PIP4P2: variants seen among roughly 807,000 people sequenced by gnomAD.
PIP4P2 encodes the protein type 2 phosphatidylinositol 4,5-bisphosphate 4-phosphatase.
In PIP4P2, 19 loss-of-function variants were observed where a neutral mutation model predicts 33.3. The ratio of observed to expected loss-of-function variants is 0.57; its 90% CI spans 0.40 to 0.84. The LOEUF (loss-of-function observed/expected upper bound fraction) is 0.84. PIP4P2 is among the 40% of genes least tolerant of loss of function. PIP4P2 has a pLI of 0.00. For missense variants in PIP4P2, 270 were observed against 324.7 expected, an observed-to-expected ratio of 0.83 and a Z score of 1.29; for synonymous variants, 110 against 111.9, an observed-to-expected ratio of 0.98 and a Z score of 0.11.
intron 1 of PIP4P2, among the ~76,000 whole-genome samples, chr8:91,038,812 T>C (rs1490782588): frequency 6.6e-6 from 1 of 152,222 alleles, no homozygotes; most frequent in Non-Finnish European, 1.5e-5. Flanking sequence ...TCATCTAACC[T>C]GTCTCATTCA....
At position 90,995,465 on chromosome 8, in the gene PIP4P2, T is replaced by C; in HGVS notation, c.*212A>G. The stretch of plus-strand genomic sequence containing the variant: ...GAGATGTAAAAGAACATGAAAAGGC[T>C]TTATTATTCAAATTTTGAAAACCTA... On this transcript the variant is annotated 3_prime_UTR_variant, in exon 7 of 7. Coordinates refer to ENST00000285419, the MANE Select transcript of PIP4P2 (RefSeq NM_018710.3). 2.5e-6 allele frequency: 1 copy of C among 401,040 alleles called. No homozygotes were observed. The highest frequency in any genetic ancestry group is 1.1e-4 in the South Asian group (1 of 9,460). 24.8% of individuals were successfully genotyped at this position (401,040 alleles called of 1,614,324 possible).
At chr8:91,035,694 TAC>T (rs914897322) in intron 1 of PIP4P2, among the ~76,000 whole-genome samples, 27 of 152,184 alleles carry the variant, frequency 1.8e-4, no homozygotes, top group African/African-American at 6.5e-4. Flanking sequence ...CACACTGTGG[TAC>T]ACAGAGAAAA....
In PIP4P2 at chr8:90,994,633, T is replaced by C. The variant is rs1811604708; in HGVS notation, c.*1044A>G. 1 of 152,534 alleles carries C rather than the reference T, an allele frequency of 6.6e-6. No homozygotes were observed. Among genetic ancestry groups the C allele is most frequent in the South Asian group, 2.1e-4 (1 of 4,836 alleles). The allele number at this position is 152,534 out of a possible 1,614,324, so 9.4% of individuals were successfully genotyped here. ...TATGTTGTTCTTTATTTCTGATCTA[T>C]TTTCTTGAATAATTTGGGTAATTAT... is the stretch of plus-strand genomic sequence containing the variant. On this transcript the variant is annotated 3_prime_UTR_variant, in exon 7 of 7. Coordinates refer to ENST00000285419, the MANE Select transcript of PIP4P2 (RefSeq NM_018710.3).
At chr8:90,996,607 GATAA>G in intron 6 of PIP4P2, 43 bp downstream of exon 6, 1 of 1,520,008 alleles carries the variant, frequency 6.6e-7, no homozygotes, top group Non-Finnish European at 9.0e-7. Flanking sequence ...ATTGACTACT[GATAA>G]AGTTGAGAGG....
At chr8:91,033,408 C>G (rs1483969541) in intron 1 of PIP4P2, among the ~76,000 whole-genome samples, 1 of 152,128 alleles carries the variant, frequency 6.6e-6, no homozygotes, top group Non-Finnish European at 1.5e-5. Context: ...TTCACTGACT[C>G]AACCCATCAG....
At chr8:90,995,930 G>T in intron 6 of PIP4P2, 110 bp from the exon 7 acceptor site, 1 of 1,220,950 alleles carries the variant, frequency 8.2e-7, no homozygotes, top group Non-Finnish European at 1.1e-6. Context: ...CCCCCAGACC[G>T]AATACACAAA....
chr8:91,011,151 G>T (rs543493801), intron 4 of PIP4P2, among the ~76,000 whole-genome samples: 1 of 151,966 alleles, frequency 6.6e-6, no homozygotes, highest in South Asian at 2.1e-4. Flanking sequence ...GCACCCATTT[G>T]TCCCTAGATA....
intron 5 of PIP4P2, among the ~76,000 whole-genome samples, chr8:91,004,883 A>G (rs1811746998): frequency 6.6e-6 from 1 of 152,202 alleles, no homozygotes; most frequent in African/African-American, 2.4e-5. Flanking sequence ...GAGGAATAGT[A>G]GATATCTGGA....
At chr8:91,027,367 C>CT (rs1408244210) in intron 1 of PIP4P2, among the ~76,000 whole-genome samples, 2 of 152,240 alleles carry the variant, frequency 1.3e-5, no homozygotes, top group African/African-American at 4.8e-5. Flanking sequence ...CCTTCCCTTG[C>CT]TGGAAAACTC....
chr8:90,998,561 C>T (rs1365898662), intron 5 of PIP4P2, among the ~76,000 whole-genome samples: 2 of 151,852 alleles, frequency 1.3e-5, no homozygotes, highest in Non-Finnish European at 2.9e-5. Flanking sequence ...AACAGACACA[C>T]AGATCAATTG....
At chr8:91,039,030 G>GT (rs746459515) in intron 1 of PIP4P2, among the ~76,000 whole-genome samples, 190 of 152,258 alleles carry the variant, frequency 1.2e-3, no homozygotes, top group Admixed American at 1.5e-3. Flanking sequence ...TGATCCCTGA[G>GT]TGTAGCCATT....
At chr8:91,022,603 T>C (rs1812026823) in intron 1 of PIP4P2, among the ~76,000 whole-genome samples, 1 of 152,150 alleles carries the variant, frequency 6.6e-6, no homozygotes, top group Admixed American at 6.5e-5. Flanking sequence ...CTATAAAATA[T>C]AATCACAATA....
chr8:91,021,219 A>G, intron 2 of PIP4P2, 37 bp downstream of exon 2: 1 of 1,608,436 alleles, frequency 6.2e-7, no homozygotes, highest in Non-Finnish European at 8.5e-7. Flanking sequence ...ATGTCAAATA[A>G]CAATTTATAT....
At chr8:91,035,617 G>A (rs1812222944) in intron 1 of PIP4P2, among the ~76,000 whole-genome samples, 1 of 152,150 alleles carries the variant, frequency 6.6e-6, no homozygotes, top group Non-Finnish European at 1.5e-5. Flanking sequence ...CTTTGTCCAG[G>A]CTTTCTCCTT....
chr8:91,026,511 G>A (rs1282700993), intron 1 of PIP4P2, among the ~76,000 whole-genome samples: 2 of 152,094 alleles, frequency 1.3e-5, no homozygotes, highest in Admixed American at 6.6e-5. Context: ...CTAGGTTTTA[G>A]TAAGTCCAAT....
intron 4 of PIP4P2, among the ~76,000 whole-genome samples, chr8:91,016,203 G>C (rs1347455350): frequency 6.6e-6 from 1 of 152,034 alleles, no homozygotes; most frequent in Admixed American, 6.6e-5. Flanking sequence ...AAGGCTCCTA[G>C]AAATTAAAAA....
At chr8:91,019,044 T>C (rs1394030419) in intron 3 of PIP4P2, among the ~76,000 whole-genome samples, 1 of 152,026 alleles carries the variant, frequency 6.6e-6, no homozygotes, top group African/African-American at 2.4e-5. Flanking sequence ...ACATGATTCA[T>C]GTAATGGTCA....
intron 1 of PIP4P2, among the ~76,000 whole-genome samples, chr8:91,037,245 C>A (rs900444762): frequency 4.6e-5 from 7 of 152,122 alleles, no homozygotes; most frequent in Non-Finnish European, 2.9e-5. Context: ...TCTCTCCAGT[C>A]CCATTTTGCA....
rs551312623 is a variant in PIP4P2, at chr8:91,009,350, AT to A, written c.487-556del. ...TCTTCCCTGTAAATCTAAGTAATAA[AT>A]GTGCTACCTTCCTCACATGAATGTT... On this transcript the variant is annotated intron_variant, in intron 4 of 6. Coordinates refer to ENST00000285419, the MANE Select transcript of PIP4P2 (RefSeq NM_018710.3). Among the ~76,000 whole-genome samples the A allele has an allele frequency of 1.5e-4, 23 of 152,168 alleles. No individual in the cohort carries two copies. The East Asian group carries it at 4.0e-3, about 27-fold the overall frequency.
Sources: gnomAD v4.1 joint callset for allele counts (sites outside exome capture counted in the v4.1 genomes callset) on GRCh38, gnomAD v4.1.1 for gene constraint, MANE v1.5 for transcripts, NCBI Gene and HGNC (gene_info 2026-07-23, HGNC 2026-07-21) for gene names.